SUGCT: variants seen among roughly 807,000 people sequenced by gnomAD.
SUGCT encodes succinyl-CoA:glutarate CoA-transferase.
In SUGCT, 41 loss-of-function variants were observed where a neutral mutation model predicts 55.0. That is an observed-to-expected ratio of 0.74 (90% CI 0.58 to 0.97). The LOEUF is 0.97. Among genes scored for constraint, SUGCT ranks in the 50% least tolerant of loss-of-function variants. The probability of loss-of-function intolerance (pLI) is 0.00; values close to 1 mark genes in which losing one functional copy is unlikely to be tolerated. For synonymous variants in SUGCT, 187 were observed against 200.4 expected (o/e 0.93, Z 0.56); for missense variants, 568 against 547.8 (o/e 1.04, Z -0.37).
chr7:40,780,891 A>G (rs947318921), intron 13 of SUGCT, among the ~76,000 whole-genome samples: 1 of 152,054 alleles, frequency 6.6e-6, no homozygotes, highest in Non-Finnish European at 1.5e-5. Flanking sequence ...TCATTAAGGC[A>G]TAAAGAATGG....
intron 1 of SUGCT, among the ~76,000 whole-genome samples, chr7:40,177,213 A>C (rs958721430): frequency 6.6e-5 from 10 of 152,136 alleles, no homozygotes; most frequent in African/African-American, 2.4e-4. Flanking sequence ...GGTATGCTTC[A>C]ATAACAGTTG....
the SUGCT span, among the ~76,000 whole-genome samples, chr7:41,003,052 A>G: frequency 6.6e-6 from 1 of 152,146 alleles, no homozygotes; most frequent in Non-Finnish European, 1.5e-5. Flanking sequence ...TATCTACCAC[A>G]TAGAGTTTTT....
intron 6 of SUGCT, among the ~76,000 whole-genome samples, chr7:40,198,061 A>G (rs540405203): frequency 2.6e-5 from 4 of 152,350 alleles, no homozygotes; most frequent in African/African-American, 4.8e-5. Context: ...GAATGGTTCT[A>G]TCATGTGCTT....
chr7:40,418,907 G>A (rs1258815158), intron 9 of SUGCT, among the ~76,000 whole-genome samples: 1 of 152,150 alleles, frequency 6.6e-6, no homozygotes, highest in Non-Finnish European at 1.5e-5. Flanking sequence ...TTCATAAACT[G>A]TAACGTACTT....
chr7:40,246,956 T>C (rs373663512), intron 7 of SUGCT, among the ~76,000 whole-genome samples: 31 of 152,324 alleles, frequency 2.0e-4, no homozygotes, highest in African/African-American at 6.7e-4. Flanking sequence ...GTGTTTTTAC[T>C]GTGTATATTG....
intron 12 of SUGCT, among the ~76,000 whole-genome samples, chr7:40,624,811 A>G (rs1029085846): frequency 9.6e-6 from 1 of 104,498 alleles, no homozygotes; most frequent in Non-Finnish European, 2.0e-5. Flanking sequence ...ACACACACAC[A>G]CGCACACCAC....
chr7:40,201,911 T>C (rs1786628302), intron 6 of SUGCT, among the ~76,000 whole-genome samples: 1 of 152,220 alleles, frequency 6.6e-6, no homozygotes, highest in Non-Finnish European at 1.5e-5. Context: ...ACTGTCCACT[T>C]ATTCTCTTTG....
chr7:41,000,102 G>A, the SUGCT span, among the ~76,000 whole-genome samples: 1 of 152,110 alleles, frequency 6.6e-6, no homozygotes, highest in South Asian at 2.1e-4. Context: ...GGAGAAGGCA[G>A]ATTTCATGAG....
intron 12 of SUGCT, among the ~76,000 whole-genome samples, chr7:40,576,918 C>T (rs1796799427): frequency 6.6e-6 from 1 of 152,136 alleles, no homozygotes; most frequent in Non-Finnish European, 1.5e-5. Context: ...GGTGAGATCC[C>T]TTATCATCCT....
chr7:40,628,550 A>G (rs1234302369), intron 12 of SUGCT, among the ~76,000 whole-genome samples: 1 of 152,234 alleles, frequency 6.6e-6, no homozygotes, highest in Admixed American at 6.5e-5. Context: ...TTGAATGGAA[A>G]GATCTCACCT....
intron 12 of SUGCT, among the ~76,000 whole-genome samples, chr7:40,714,645 A>G (rs1203705627): frequency 6.6e-6 from 1 of 152,204 alleles, no homozygotes; most frequent in South Asian, 2.1e-4. Flanking sequence ...ACATAACTGC[A>G]TAGGTCTTCA....
chr7:40,746,360 G>C (rs1787730533), intron 12 of SUGCT, among the ~76,000 whole-genome samples: 1 of 152,106 alleles, frequency 6.6e-6, no homozygotes, highest in African/African-American at 2.4e-5. Flanking sequence ...CCTGATTCAA[G>C]AAGAAAGCCT....
chr7:40,336,345 C>T (rs982464258), intron 9 of SUGCT, among the ~76,000 whole-genome samples: 1 of 152,158 alleles, frequency 6.6e-6, no homozygotes, highest in Admixed American at 6.5e-5. Flanking sequence ...CCCTGTACCT[C>T]TGGTAGAATT....
At chr7:40,491,992 A>AAAAT (rs10669502) in intron 11 of SUGCT, among the ~76,000 whole-genome samples, 35,909 of 150,000 alleles carry the variant, frequency 0.24, 5,289 homozygotes, top group African/African-American at 0.42. Flanking sequence ...TCTGTTTCCA[A>AAAAT]AAATAAATAA....
At chr7:40,144,404 G>A (rs1035648211) in intron 1 of SUGCT, among the ~76,000 whole-genome samples, 18 of 152,282 alleles carry the variant, frequency 1.2e-4, no homozygotes, top group African/African-American at 4.3e-4. Context: ...GTTTTCCCCT[G>A]GGACTATGGC....
At chr7:40,477,376 G>C (rs1316096149) in intron 11 of SUGCT, among the ~76,000 whole-genome samples, 3 of 152,148 alleles carry the variant, frequency 2.0e-5, no homozygotes. Context: ...ATTTCCAAAA[G>C]TGACTTCTTT....
At chr7:40,858,210 CCTGACCAACG>C (rs1794286320) in intron 13 of SUGCT, among the ~76,000 whole-genome samples, 2 of 151,788 alleles carry the variant, frequency 1.3e-5, no homozygotes, top group African/African-American at 4.8e-5. Flanking sequence ...GCTGGGCCAG[CCTGACCAACG>C]TGGAGAAACC....
intron 13 of SUGCT, among the ~76,000 whole-genome samples, chr7:40,801,225 C>G (rs1468200596): frequency 6.6e-6 from 1 of 152,216 alleles, no homozygotes; most frequent in Non-Finnish European, 1.5e-5. Context: ...CTTCAGCATA[C>G]ACATGAGCCA....
intron 9 of SUGCT, among the ~76,000 whole-genome samples, chr7:40,399,481 T>C (rs747916236): frequency 2.6e-5 from 4 of 152,184 alleles, no homozygotes; most frequent in Non-Finnish European, 5.9e-5. Context: ...CATGGTTCAA[T>C]GTCACTAGGA....
Sources: allele counts gnomAD v4.1 joint callset (sites outside exome capture counted in the v4.1 genomes callset), GRCh38; gene constraint gnomAD v4.1.1; transcripts MANE v1.5; gene names NCBI Gene and HGNC (gene_info 2026-07-23, HGNC 2026-07-21).